Variants in GRIK5 observed in about 807,000 individuals in gnomAD.
GRIK5 encodes glutamate ionotropic receptor kainate type subunit 5, also known as glutamate receptor ionotropic, kainate 5.
Under a neutral mutation model 97.4 loss-of-function variants are expected in GRIK5, and 43 were observed. That is an observed-to-expected ratio of 0.44 (90% CI 0.35 to 0.57). The LOEUF is 0.57. Among genes scored for constraint, GRIK5 ranks in the 20% least tolerant of loss-of-function variants. The pLI, the probability that GRIK5 is intolerant of heterozygous loss-of-function variation, is 0.01. For synonymous variants in GRIK5, 580 were observed against 583.5 expected (o/e 0.99, Z 0.09); for missense variants, 1,015 against 1,382.0 (o/e 0.73, Z 4.21).
intron 12 of GRIK5, among the ~76,000 whole-genome samples, chr19:42,030,529 G>A (rs1284297478): frequency 1.3e-5 from 2 of 152,032 alleles, no homozygotes; most frequent in Non-Finnish European, 2.9e-5. Context: ...CGTGATCATA[G>A]CTCACTGTAG....
chr19:42,011,723 A>G (rs1186021665), intron 15 of GRIK5, among the ~76,000 whole-genome samples: 1 of 152,228 alleles, frequency 6.6e-6, no homozygotes, highest in East Asian at 1.9e-4. Context: ...CTGTAATTCC[A>G]TCACTTTGGG....
Position 41,998,782 on chromosome 19 carries a change from G to A in GRIK5, c.*89C>T, listed in dbSNP as rs1438317251. Reference sequence around the variant, plus strand: ...GGCGCCGGCGCACAAGTCCTGTCCCGCGCCCGCTGCGGGAGCGGAGACTGC... The same window carrying A: ...GGCGCCGGCGCACAAGTCCTGTCCCACGCCCGCTGCGGGAGCGGAGACTGC... On this transcript the variant is annotated 3_prime_UTR_variant, in exon 20 of 20. Transcript: ENST00000593562. 9.2e-6 allele frequency: 6 copies of A among 651,032 alleles called. No homozygotes were observed. Among genetic ancestry groups the A allele is most frequent in the Middle Eastern group, 6.6e-4 (1 of 1,516 alleles). 40.3% of individuals were successfully genotyped at this position (651,032 alleles called of 1,614,324 possible). A position where few individuals can be genotyped will look rare whatever the true frequency, so the allele number is the denominator to read the frequency against.
chr19:42,011,552 C>CAA (rs58029855), intron 15 of GRIK5, among the ~76,000 whole-genome samples: 22 of 65,110 alleles, frequency 3.4e-4, no homozygotes, highest in Admixed American at 3.2e-3. Context: ...GACTCCGTCT[C>CAA]AAAAAAAAAA....
At chr19:42,020,214 T>G (rs2075680787) in intron 15 of GRIK5, among the ~76,000 whole-genome samples, 1 of 152,180 alleles carries the variant, frequency 6.6e-6, no homozygotes, top group African/African-American at 2.4e-5. Context: ...CATACCACAG[T>G]TAGTTCTACT....
intron 11 of GRIK5, among the ~76,000 whole-genome samples, chr19:42,052,112 A>C (rs1568921688): frequency 6.6e-6 from 1 of 152,178 alleles, no homozygotes; most frequent in Non-Finnish European, 1.5e-5. Flanking sequence ...GTAAATATTT[A>C]TGGAATGAAT....
Position 42,062,336 on chromosome 19 carries a change from G to C in GRIK5, c.508+152C>G. 1.4e-6 allele frequency: 1 copy of C among 691,974 alleles called. No individual in the cohort carries two copies. The highest frequency in any genetic ancestry group is 2.4e-6 in the Non-Finnish European group (1 of 416,726). 42.9% of individuals were successfully genotyped at this position (691,974 alleles called of 1,614,324 possible). On this transcript the variant is annotated intron_variant, in intron 5 of 19. Transcript: ENST00000593562. This position sits in a 1 kb window ranked among gnomAD's most constrained non-coding sequence, Gnocchi z 5.3. ...GGGAGAGAAGGGGTCTGTAGAACCAGAGGCCTCGGTTTCTGAAGATGGGAG... is the reference window on the plus strand; with the variant it reads ...GGGAGAGAAGGGGTCTGTAGAACCACAGGCCTCGGTTTCTGAAGATGGGAG...
intron 11 of GRIK5, among the ~76,000 whole-genome samples, chr19:42,048,569 G>A (rs958389338): frequency 9.9e-5 from 15 of 152,114 alleles, no homozygotes; most frequent in African/African-American, 3.4e-4. Flanking sequence ...GCAGTGAGCC[G>A]AGATTGTGCC....
chr19:42,037,707 G>A (rs1357964997), intron 12 of GRIK5, among the ~76,000 whole-genome samples: 1 of 152,204 alleles, frequency 6.6e-6, no homozygotes, highest in East Asian at 1.9e-4. Flanking sequence ...CAGGGTGTAG[G>A]TGGCTGATGG....
chr19:42,012,624 C>T (rs2075577515), intron 15 of GRIK5, among the ~76,000 whole-genome samples: 1 of 152,018 alleles, frequency 6.6e-6, no homozygotes, highest in Non-Finnish European at 1.5e-5. Flanking sequence ...ACCTATAATC[C>T]GAGCACTTTG....
intron 5 of GRIK5, among the ~76,000 whole-genome samples, chr19:42,061,608 C>T (rs965245262): frequency 6.6e-6 from 1 of 152,262 alleles, no homozygotes; most frequent in Non-Finnish European, 1.5e-5. Flanking sequence ...AAAGACACAC[C>T]ATGCCCGACG....
intron 8 of GRIK5, among the ~76,000 whole-genome samples, chr19:42,054,906 G>A (rs2076163226): frequency 6.6e-6 from 1 of 152,188 alleles, no homozygotes; most frequent in Admixed American, 6.5e-5. Context: ...TGGGTGTGGT[G>A]TCAGAGAGGC....
chr19:42,022,559 C>G lies in GRIK5; in HGVS notation c.1474-205G>C, dbSNP rs2075713899. On this transcript the variant is annotated intron_variant, in intron 12 of 19. Transcript: ENST00000593562. This position sits in a 1 kb window ranked among gnomAD's most constrained non-coding sequence, Gnocchi z 4.2. ...ACCCTCATCGCATGTCCATCCTCAT[C>G]ATCTCACGTCTCCAGACACACTGAC... 1.0e-6 allele frequency: 1 copy of G among 985,154 alleles called. No individual in the cohort carries two copies. 61.0% of individuals were successfully genotyped at this position (985,154 alleles called of 1,614,324 possible). A position where few individuals can be genotyped will look rare whatever the true frequency, so the allele number is the denominator to read the frequency against.
chr19:42,054,466 C>T lies in GRIK5; in HGVS notation c.910G>A (p.Ala304Thr). 6.2e-7 allele frequency: 1 copy of T among 1,612,674 alleles called. No individual in the cohort carries two copies. Among genetic ancestry groups the T allele is most frequent in the Non-Finnish European group, 8.5e-7 (1 of 1,179,936 alleles). ...ASTYLGPALSAALMFDAVHVV... is the reference protein window; with the variant it reads ...ASTYLGPALSTALMFDAVHVV... ...TGCACGGCGTCAAACATCAGGGCGGCTGACAGCTGCGGTGGGACAGAGGCG... is the reference window on the plus strand; with the variant it reads ...TGCACGGCGTCAAACATCAGGGCGGTTGACAGCTGCGGTGGGACAGAGGCG... Residue 304 changes from alanine to threonine, a missense_variant, in exon 9 of 20, where the codon GCC becomes ACC. Physicochemically the swap from Ala to Thr is moderately conservative, Grantham distance 58. This residue lies in a region of GRIK5 where 477 missense variants were observed against 701.1 expected (regional missense o/e 0.68). Coordinates refer to ENST00000593562, the MANE Select transcript of GRIK5 (RefSeq NM_002088.5).
Position 42,034,959 on chromosome 19 carries a change from T to C in GRIK5, c.1473+7593A>G, listed in dbSNP as rs577399803. Among the ~76,000 whole-genome samples, 54 of 152,232 alleles carry C rather than the reference T, an allele frequency of 3.5e-4. 2 individuals carry two copies. In the South Asian group the frequency reaches 0.011, roughly 30 times the overall value. On this transcript the variant is annotated intron_variant, in intron 12 of 19. Transcript: ENST00000593562. The stretch of plus-strand genomic sequence containing the variant: ...GTGCAGAATAGTTGCTCAGTAGTTA[T>C]TCAGTAAGTGAATGACTAAATGTAG...
At position 42,070,204 on chromosome 19, in the gene GRIK5, A is replaced by G. The variant is rs988138312; in HGVS notation, c.-1014T>C. ...CCGCCTGCGCTGGGTCCTGGAGCGC[A>G]GTGGGGTGGTTCAGGAGAGAGAGAA... On this transcript the variant is annotated 5_prime_UTR_variant, in exon 1 of 20. Coordinates refer to ENST00000593562, the MANE Select transcript of GRIK5 (RefSeq NM_002088.5). Among the ~76,000 whole-genome samples the G allele has an allele frequency of 3.1e-4, 47 of 151,388 alleles. No individual in the cohort carries two copies. Among genetic ancestry groups the G allele is most frequent in the African/African-American group, 1.1e-3 (46 of 41,270 alleles).
chr19:42,016,448 A>G (rs2075625456), intron 15 of GRIK5, among the ~76,000 whole-genome samples: 2 of 152,126 alleles, frequency 1.3e-5, no homozygotes, highest in Non-Finnish European at 2.9e-5. Flanking sequence ...AAACAAAACA[A>G]CAACAACAAA....
intron 11 of GRIK5, among the ~76,000 whole-genome samples, chr19:42,046,900 A>G (rs943135705): frequency 1.3e-5 from 2 of 151,596 alleles, no homozygotes; most frequent in African/African-American, 4.9e-5. Context: ...TTATTTATTT[A>G]TTTTTGAGAC....
Position 42,003,145 on chromosome 19 carries a change from C to T in GRIK5, c.2514+187G>A, listed in dbSNP as rs745756715. On this transcript the variant is annotated intron_variant, in intron 19 of 19. Coordinates refer to ENST00000593562, the MANE Select transcript of GRIK5 (RefSeq NM_002088.5). This position sits in a 1 kb window ranked among gnomAD's most constrained non-coding sequence, Gnocchi z 4.2. ...TTGCTCCCTGTGCCTACTTTCCCTCCTGTTCTTCCTCACGCGCTGATTCTC... is the reference window on the plus strand; with the variant it reads ...TTGCTCCCTGTGCCTACTTTCCCTCTTGTTCTTCCTCACGCGCTGATTCTC... Among the ~76,000 whole-genome samples, 5 of 152,106 alleles carry T rather than the reference C, an allele frequency of 3.3e-5. No homozygotes were observed. Among genetic ancestry groups the T allele is most frequent in the Non-Finnish European group, 7.4e-5 (5 of 68,026 alleles).
rs756951666 is a variant in GRIK5 at position 42,062,694 on chromosome 19, G to A, written c.343-41C>T. The A allele has an allele frequency of 3.2e-5, 52 of 1,613,068 alleles. No homozygotes were observed. The highest frequency in any genetic ancestry group is 3.3e-5 in the Non-Finnish European group (39 of 1,179,298). Reference sequence around the variant, plus strand: ...ACTTTGGCCTCCATCCTGCTTCTCCGCCCAGCCCTCGCCTCCCAGGGACCC... The same window carrying A: ...ACTTTGGCCTCCATCCTGCTTCTCCACCCAGCCCTCGCCTCCCAGGGACCC... On this transcript the variant is annotated intron_variant, in intron 4 of 19. Coordinates refer to ENST00000593562, the MANE Select transcript of GRIK5 (RefSeq NM_002088.5). This position sits in a 1 kb window ranked among gnomAD's most constrained non-coding sequence, Gnocchi z 5.3.
Sources: gnomAD v4.1 joint callset for allele counts (sites outside exome capture counted in the v4.1 genomes callset) on GRCh38, gnomAD v4.1.1 for gene constraint, gnomAD v4.1.1 regional missense constraint, Gnocchi (gnomAD v3.1) non-coding constraint, MANE v1.5 for transcripts, NCBI Gene and HGNC (gene_info 2026-07-23, HGNC 2026-07-21) for gene names.